ZSCAN18: variants seen among roughly 807,000 people sequenced by gnomAD.
The protein encoded by ZSCAN18 is zinc finger and SCAN domain containing 18, also known as zinc finger and SCAN domain-containing protein 18.
In ZSCAN18, 16 loss-of-function variants were observed where a neutral mutation model predicts 31.1. That is an observed-to-expected ratio of 0.51 (90% CI 0.35 to 0.78). The LOEUF (loss-of-function observed/expected upper bound fraction) is 0.78, where lower values mean the gene tolerates loss of function less well. Ranked by LOEUF, ZSCAN18 falls within the 30% of genes least tolerant of loss-of-function variation. The pLI is 0.01. For synonymous variants in ZSCAN18, 375 were observed against 320.7 expected, an observed-to-expected ratio of 1.17 and a Z score of -1.81; for missense variants, 731 against 697.4, an observed-to-expected ratio of 1.05 and a Z score of -0.54.
chr19:58,107,303 C>T (rs2074642320), intron 1 of ZSCAN18, among the ~76,000 whole-genome samples: 1 of 151,900 alleles, frequency 6.6e-6, no homozygotes, highest in African/African-American at 2.4e-5. Context: ...TGCCTGTAAT[C>T]TCATCACTTT....
Position 58,118,339 on chromosome 19 carries a change from G to A in ZSCAN18, c.58C>T (p.Arg20Cys), listed in dbSNP as rs768267313. The A allele has an allele frequency of 1.2e-5, 19 of 1,532,792 alleles. No individual in the cohort carries two copies. The East Asian group carries it at 4.5e-4, about 36-fold the overall frequency. 94.9% of individuals were successfully genotyped at this position (1,532,792 alleles called of 1,614,324 possible). A position where few individuals can be genotyped will look rare whatever the true frequency, so the allele number is the denominator to read the frequency against. The change falls in exon 1 of 2, where the codon CGT (arginine) becomes TGT (cysteine). Residue 20 changes from arginine (R) to cysteine (C), a missense_variant. Arg to Cys is a radical substitution (Grantham distance 180). Transcript: ENST00000595721. The stretch of plus-strand genomic sequence containing the variant: ...CAGACCCGAGAGGCCGCGAGAGGAC[G>A]GAACTCACTTCCCGCCGCCGTAGCG...
chr19:58,105,118 CTGTCTATAAA>C, intron 1 of ZSCAN18, among the ~76,000 whole-genome samples: 1 of 152,272 alleles, frequency 6.6e-6, no homozygotes, highest in Admixed American at 6.5e-5. Flanking sequence ...ACTCTGAGTG[CTGTCTATAAA>C]TGTAAACAAA....
chr19:58,098,323 G>A (rs558383921), upstream of ZSCAN18: 259 of 985,506 alleles, frequency 2.6e-4, 1 homozygote, highest in African/African-American at 4.3e-3. Flanking sequence ...GGCGAGCAAG[G>A]GAGCCGTGAC....
chr19:58,101,224 C>T (rs1370262017), upstream of ZSCAN18, among the ~76,000 whole-genome samples: 2 of 151,774 alleles, frequency 1.3e-5, no homozygotes, highest in Non-Finnish European at 2.9e-5. Context: ...GCTCCACCTC[C>T]CGGGTTCACG....
rs777163548 is a variant in ZSCAN18, at chr19:58,086,211, C to T, written c.801G>A (p.Arg267=). The change falls in exon 6 of 7, where the codon CGG becomes CGA. Residue 267 remains arginine, a synonymous_variant. Coordinates refer to ENST00000601144, the MANE Select transcript of ZSCAN18 (RefSeq NM_001145543.2). ...TTCCTTGTGGATCTCTTTCCACCAA[C>T]CGGAGTTCCTCAGTGTCCAGCCTGG... ...AASRLDTEEL[R]LVERDPQGSS... 3.1e-6 allele frequency: 5 copies of T among 1,614,002 alleles called. No homozygotes were observed. The highest frequency in any genetic ancestry group is 4.2e-6 in the Non-Finnish European group (5 of 1,179,940).
chr19:58,094,250 A>T lies in ZSCAN18; in HGVS notation c.-119-3864T>A, dbSNP rs112496729. 1.6e-3 allele frequency among the ~76,000 whole-genome samples: 242 copies of T among 151,510 alleles called. 2 individuals are homozygous for T. The highest frequency in any genetic ancestry group is 3.5e-3 in the African/African-American group (144 of 41,250). On this transcript the variant is annotated intron_variant, in intron 1 of 6. Transcript: ENST00000601144. ...ATCTCTACTAAAAATACAAAAAAAA[A>T]AATAATAATAATTAGCCAGGCATGG...
chr19:58,084,686 C>T lies in ZSCAN18; in HGVS notation c.1532G>A (p.Ter511=). The T allele has an allele frequency of 6.7e-7, 1 of 1,489,516 alleles. No individual in the cohort carries two copies. The highest frequency in any genetic ancestry group is 2.3e-5 in the Admixed American group (1 of 42,638). 92.3% of individuals were successfully genotyped at this position (1,489,516 alleles called of 1,614,324 possible). A position where few individuals can be genotyped will look rare whatever the true frequency, so the allele number is the denominator to read the frequency against. The part of the protein sequence containing the change: ...APPAPPEAQR[*] ...TCCGGAACGGGACAGCACAGCGGCT[C>T]ACCTCTGCGCCTCTGGGGGTGCGGG... Residue 511 remains the stop codon, a stop_retained_variant, in exon 7 of 7, where the codon TGA becomes TAA. Coordinates refer to ENST00000601144, the MANE Select transcript of ZSCAN18 (RefSeq NM_001145543.2). This position sits in a 1 kb window ranked among gnomAD's most constrained non-coding sequence, Gnocchi z 4.5.
At chr19:58,112,376 C>G (rs776665564) in intron 1 of ZSCAN18, among the ~76,000 whole-genome samples, 1 of 152,104 alleles carries the variant, frequency 6.6e-6, no homozygotes, top group Non-Finnish European at 1.5e-5. Flanking sequence ...CAAGGCTGGG[C>G]GTGGTGGCTC....
In ZSCAN18 at chr19:58,108,586, C is replaced by G. The variant is rs369517388; in HGVS notation, c.130+9681G>C. ...AGAGAGGGATTTTCCACAGTCATTA[C>G]AGGTATAAGGGCTCTCTCCAGTATG... On this transcript the variant is annotated intron_variant, in intron 1 of 1. Coordinates refer to the ZSCAN18 transcript ENST00000595721. 3 of 985,836 alleles carry G rather than the reference C, an allele frequency of 3.0e-6. No individual in the cohort carries two copies. In the African/African-American group the frequency reaches 5.2e-5, roughly 17 times the overall value. 61.1% of individuals were successfully genotyped at this position (985,836 alleles called of 1,614,324 possible).
intron 1 of ZSCAN18, among the ~76,000 whole-genome samples, chr19:58,112,458 G>A (rs2074691322): frequency 1.3e-5 from 2 of 151,738 alleles, no homozygotes; most frequent in African/African-American, 2.4e-5. Flanking sequence ...AGATCATCCT[G>A]GCTAACACAG....
At chr19:58,108,662 A>G (rs2074654996) in intron 1 of ZSCAN18, 2 of 985,478 alleles carry the variant, frequency 2.0e-6, no homozygotes, top group Non-Finnish European at 2.4e-6. Context: ...GACAGTCCAC[A>G]TTCACTGTCA....
exon 1 of ZSCAN18, chr19:58,118,310 G>A (rs1193256199): frequency 3.3e-6 from 5 of 1,525,040 alleles, no homozygotes; most frequent in Admixed American, 2.1e-5. Flanking sequence ...GGGAACGGAG[G>A]AAACAGACCC....
At chr19:58,088,571 A>G (rs2074333417) in intron 3 of ZSCAN18, 117 bp downstream of exon 3, 1 of 1,010,600 alleles carries the variant, frequency 9.9e-7, no homozygotes, top group Non-Finnish European at 1.5e-6. Flanking sequence ...CAATGATAGC[A>G]TGGACCATGG....
At chr19:58,085,558 G>GCCCCA in intron 6 of ZSCAN18, 179 bp from the exon 7 acceptor site, 1 of 574,396 alleles carries the variant, frequency 1.7e-6, no homozygotes, top group East Asian at 3.2e-5. Flanking sequence ...CGCATGCCCC[G>GCCCCA]CGCCTGCTGC....
Position 58,084,525 on chromosome 19 carries a change from G to A in ZSCAN18, c.*160C>T. The A allele has an allele frequency of 5.8e-6, 4 of 693,140 alleles. No homozygotes were observed. The highest frequency in any genetic ancestry group is 5.4e-5 in the South Asian group (2 of 37,042). 42.9% of individuals were successfully genotyped at this position (693,140 alleles called of 1,614,324 possible). A position where few individuals can be genotyped will look rare whatever the true frequency, so the allele number is the denominator to read the frequency against. ...TGAGGGCTTCCCGTGGACCCTTCTC[G>A]TTGGGAGCGCTTAGCCTCAGGAGCG... is the stretch of plus-strand genomic sequence containing the variant. On this transcript the variant is annotated 3_prime_UTR_variant, in exon 7 of 7. Coordinates refer to ENST00000601144, the MANE Select transcript of ZSCAN18 (RefSeq NM_001145543.2). This position sits in a 1 kb window ranked among gnomAD's most constrained non-coding sequence, Gnocchi z 4.5.
chr19:58,085,382 G>A lies in ZSCAN18; in HGVS notation c.839-3C>T. The A allele has an allele frequency of 1.9e-6, 3 of 1,586,802 alleles. No homozygotes were observed. Among genetic ancestry groups the A allele is most frequent in the East Asian group, 2.3e-5 (1 of 44,404 alleles). ...GCTCTCCTGCCGCCTCCCGCCTTCTGGAACAAGGTCAGAGCCCTAGCGTGA... is the reference window on the plus strand; with the variant it reads ...GCTCTCCTGCCGCCTCCCGCCTTCTAGAACAAGGTCAGAGCCCTAGCGTGA... On this transcript the variant is annotated splice_polypyrimidine_tract_variant and splice_region_variant and intron_variant, in intron 6 of 6. Transcript: ENST00000601144.
intron 1 of ZSCAN18, chr19:58,108,970 C>A: frequency 8.7e-7 from 1 of 1,149,690 alleles, no homozygotes; most frequent in Non-Finnish European, 1.1e-6. Flanking sequence ...ATGTATGTAA[C>A]TAAAATGTTT....
In ZSCAN18 at chr19:58,084,736, T is replaced by A; in HGVS notation, c.1482A>T (p.Pro494=). Residue 494 remains proline, a synonymous_variant, in exon 7 of 7, where the codon CCA becomes CCT. Transcript: ENST00000601144. The surrounding 1 kb of genome is among the most constrained non-coding windows in gnomAD (Gnocchi z 4.5). The part of the protein sequence containing the change: ...AQAGARAGGP[P]ESVEGEAPPA... Reference sequence around the variant, plus strand: ...GGGGAGCCTCGCCCTCCACGCTCTCTGGGGGACCGCCCGCCCTAGCCCCCG... The same window carrying A: ...GGGGAGCCTCGCCCTCCACGCTCTCAGGGGGACCGCCCGCCCTAGCCCCCG... The A allele has an allele frequency of 6.5e-7, 1 of 1,546,288 alleles. No individual in the cohort carries two copies.
At position 58,086,429 on chromosome 19, in the gene ZSCAN18, G is replaced by A. The variant is rs1230348628; in HGVS notation, c.746-163C>T. The A allele has an allele frequency of 9.0e-6, 5 of 557,764 alleles. No homozygotes were observed. The East Asian group carries it at 1.5e-4, about 17-fold the overall frequency. The allele number at this position is 557,764 out of a possible 1,614,324, so 34.6% of individuals were successfully genotyped here. On this transcript the variant is annotated intron_variant, in intron 5 of 6. Transcript: ENST00000601144. Reference sequence around the variant, plus strand: ...CCCTGTTAGGCCCCTGGACAGTGGAGCAAAGAAGAAGGCGAGGCTGGAAGG... The same window carrying A: ...CCCTGTTAGGCCCCTGGACAGTGGAACAAAGAAGAAGGCGAGGCTGGAAGG...
Sources: gnomAD v4.1 joint callset for allele counts (sites outside exome capture counted in the v4.1 genomes callset) on GRCh38, gnomAD v4.1.1 for gene constraint, Gnocchi (gnomAD v3.1) non-coding constraint, MANE v1.5 for transcripts, NCBI Gene and HGNC (gene_info 2026-07-23, HGNC 2026-07-21) for gene names.